Variants in LCOR observed in about 807,000 individuals in gnomAD.
The protein encoded by LCOR is ligand dependent nuclear receptor corepressor.
Under a neutral mutation model 64.4 loss-of-function variants are expected in LCOR, and 14 were observed. The ratio of observed to expected loss-of-function variants is 0.22; its 90% confidence interval spans 0.14 to 0.34. The LOEUF is 0.34. LCOR is among the 10% of genes least tolerant of loss of function. The pLI, the probability that LCOR is intolerant of heterozygous loss-of-function variation, is 1.00. For synonymous variants in LCOR, 643 were observed against 642.5 expected, an observed-to-expected ratio of 1.00 and a Z score of -0.01; for missense variants, 1,686 against 1,765.3, an observed-to-expected ratio of 0.96 and a Z score of 0.80.
At chr10:96,838,361 ATCC>A (rs1337260547) in intron 2 of LCOR, among the ~76,000 whole-genome samples, 1 of 152,042 alleles carries the variant, frequency 6.6e-6, no homozygotes, top group Non-Finnish European at 1.5e-5. Flanking sequence ...GGCTCAAGTG[ATCC>A]TCCTGCCTCA....
chr10:96,885,455 C>T (rs560452560), intron 2 of LCOR, among the ~76,000 whole-genome samples: 15 of 152,104 alleles, frequency 9.9e-5, no homozygotes, highest in Admixed American at 2.6e-4. Context: ...GATCACGGCT[C>T]ACTGTTCCCT....
At chr10:96,844,622 G>A (rs1223966637) in intron 2 of LCOR, among the ~76,000 whole-genome samples, 1 of 151,854 alleles carries the variant, frequency 6.6e-6, no homozygotes, top group African/African-American at 2.4e-5. Flanking sequence ...TGATTTTTTA[G>A]TTTTGTTAGC....
At chr10:96,889,327 C>T (rs1846400038) in intron 2 of LCOR, among the ~76,000 whole-genome samples, 1 of 152,214 alleles carries the variant, frequency 6.6e-6, no homozygotes, top group South Asian at 2.1e-4. Context: ...GTTGTCAGCT[C>T]AGGTTGCCAT....
At chr10:96,978,458 C>T (rs1216936390) in intron 7 of LCOR, among the ~76,000 whole-genome samples, 3 of 152,076 alleles carry the variant, frequency 2.0e-5, no homozygotes, top group African/African-American at 7.2e-5. Flanking sequence ...ACATTTTGTC[C>T]CCATCGCCAG....
At chr10:96,891,294 A>G (rs996284584) in intron 2 of LCOR, among the ~76,000 whole-genome samples, 2 of 151,968 alleles carry the variant, frequency 1.3e-5, no homozygotes, top group African/African-American at 4.8e-5. Flanking sequence ...TTGGCATACA[A>G]TAGTTCATGG....
Position 96,870,590 on chromosome 10 carries a change from C to G in LCOR, c.-329-36675C>G, listed in dbSNP as rs951816109. On this transcript the variant is annotated intron_variant, in intron 2 of 7. Coordinates refer to ENST00000421806, the MANE Select transcript of LCOR (RefSeq NM_001346516.2). ...TTTTTAAAGTTTTGAAAAACATGTG[C>G]TATTTGGAATTACGTCATCCTCGAA... Among the ~76,000 whole-genome samples the G allele has an allele frequency of 4.6e-5, 7 of 152,248 alleles. No individual in the cohort carries two copies. In the South Asian group the frequency reaches 1.5e-3, roughly 32 times the overall value.
chr10:96,864,543 G>T (rs1054725058), intron 2 of LCOR, among the ~76,000 whole-genome samples: 13 of 152,132 alleles, frequency 8.5e-5, no homozygotes, highest in African/African-American at 3.1e-4. Context: ...AGAATATAAT[G>T]GGAAAAACAG....
chr10:96,842,699 C>T lies in LCOR; in HGVS notation c.-330+9220C>T, dbSNP rs537185312. On this transcript the variant is annotated intron_variant, in intron 2 of 7. Coordinates refer to ENST00000421806, the MANE Select transcript of LCOR (RefSeq NM_001346516.2). Reference sequence around the variant, plus strand: ...AGGCTGGAGTGCAGTGGTGTGATCTCGGCTCACTGCATCCTTTTCCTCCCA... The same window carrying T: ...AGGCTGGAGTGCAGTGGTGTGATCTTGGCTCACTGCATCCTTTTCCTCCCA... 6.2e-5 allele frequency among the ~76,000 whole-genome samples: 9 copies of T among 145,034 alleles called. No homozygotes were observed. The East Asian group carries it at 1.0e-3, about 17-fold the overall frequency.
intron 2 of LCOR, among the ~76,000 whole-genome samples, chr10:96,863,455 C>A (rs998849430): frequency 6.6e-6 from 1 of 152,118 alleles, no homozygotes; most frequent in African/African-American, 2.4e-5. Flanking sequence ...CTACCCACCT[C>A]GGCCTCCCAA....
rs1421671865 is a variant in LCOR, at chr10:96,989,273, G to T, written c.*4139G>T. 1 of 152,132 alleles carries T rather than the reference G, an allele frequency of 6.6e-6. No homozygotes were observed. The highest frequency in any genetic ancestry group is 1.5e-5 in the Non-Finnish European group (1 of 68,038). 9.4% of individuals were successfully genotyped at this position (152,132 alleles called of 1,614,324 possible). Reference sequence around the variant, plus strand: ...GGATTCAGAGTTCTAAAATTATGTGGCCTGGGCCTCTCATTTCACTCACAC... The same window carrying T: ...GGATTCAGAGTTCTAAAATTATGTGTCCTGGGCCTCTCATTTCACTCACAC... On this transcript the variant is annotated 3_prime_UTR_variant, in exon 8 of 8. Coordinates refer to ENST00000421806, the MANE Select transcript of LCOR (RefSeq NM_001346516.2).
chr10:96,839,417 A>G (rs546057398), intron 2 of LCOR, among the ~76,000 whole-genome samples: 1 of 152,338 alleles, frequency 6.6e-6, no homozygotes, highest in African/African-American at 2.4e-5. Context: ...AGAATTCTCA[A>G]GAAAAGCCAG....
chr10:96,920,163 C>T (rs535042662), intron 4 of LCOR, among the ~76,000 whole-genome samples: 138 of 151,568 alleles, frequency 9.1e-4, no homozygotes, highest in Admixed American at 1.4e-3. Context: ...TGTTTTCTTC[C>T]GTGGGTGTAT....
At chr10:96,876,537 GAAAA>G (rs1382674384) in intron 2 of LCOR, among the ~76,000 whole-genome samples, 2 of 151,946 alleles carry the variant, frequency 1.3e-5, no homozygotes, top group Non-Finnish European at 2.9e-5. Flanking sequence ...AGCAAATAGA[GAAAA>G]AAGATGGCAG....
intron 4 of LCOR, among the ~76,000 whole-genome samples, chr10:96,920,434 G>GTATATATGTGTATATATTCA (rs1847030814): frequency 8.1e-6 from 1 of 124,012 alleles, no homozygotes; most frequent in East Asian, 2.2e-4. Flanking sequence ...ATATATATGT[G>GTATATATGTGTATATATTCA]TATATATGTG....
chr10:96,984,365 C>T lies in LCOR; in HGVS notation c.3905C>T (p.Pro1302Leu). 6.2e-7 allele frequency: 1 copy of T among 1,614,110 alleles called. No individual in the cohort carries two copies. Among genetic ancestry groups the T allele is most frequent in the Admixed American group, 1.7e-5 (1 of 60,018 alleles). Reference sequence around the variant, plus strand: ...AACAGTCATCCTCCAGCAAACCTGCCCACTCCAGCCAGTACCCGGATTCTT... The same window carrying T: ...AACAGTCATCCTCCAGCAAACCTGCTCACTCCAGCCAGTACCCGGATTCTT... ...DRNSHPPANL[P>L]TPASTRILRK... Residue 1302 changes from proline (P) to leucine (L), a missense_variant, in exon 8 of 8, where the codon CCC becomes CTC. Pro to Leu is a moderately conservative substitution (Grantham distance 98, BLOSUM62 -3). Coordinates refer to ENST00000421806, the MANE Select transcript of LCOR (RefSeq NM_001346516.2).
chr10:96,956,474 T>C (rs188661837), intron 7 of LCOR: 136 of 984,390 alleles, frequency 1.4e-4, no homozygotes, highest in Non-Finnish European at 1.6e-4. Context: ...AGAAATTTGG[T>C]TATTCACTGA....
intron 4 of LCOR, among the ~76,000 whole-genome samples, chr10:96,925,915 T>G (rs1847160408): frequency 6.6e-6 from 1 of 152,220 alleles, no homozygotes; most frequent in Non-Finnish European, 1.5e-5. Flanking sequence ...CTTTCCTGTA[T>G]CAGTTTGAAG....
At chr10:96,836,874 T>A (rs1845450630) in intron 2 of LCOR, among the ~76,000 whole-genome samples, 1 of 152,248 alleles carries the variant, frequency 6.6e-6, no homozygotes, top group Non-Finnish European at 1.5e-5. Flanking sequence ...GGTTAGAAAG[T>A]GGAGACTTTT....
intron 7 of LCOR, among the ~76,000 whole-genome samples, chr10:96,970,322 C>T (rs536964928): frequency 6.6e-6 from 1 of 151,694 alleles, no homozygotes; most frequent in East Asian, 2.0e-4. Flanking sequence ...CGCTTGAGCC[C>T]GGGAGGCGGA....
Sources: allele counts gnomAD v4.1 joint callset (sites outside exome capture counted in the v4.1 genomes callset), GRCh38; gene constraint gnomAD v4.1.1; transcripts MANE v1.5; gene names NCBI Gene and HGNC (gene_info 2026-07-23, HGNC 2026-07-21).